The following PTPN14 variants were observed in gnomAD, a reference collection of about 807,000 sequenced individuals.
PTPN14 encodes the protein tyrosine-protein phosphatase non-receptor type 14.
Under a neutral mutation model 126.8 loss-of-function variants are expected in PTPN14, and 53 were observed. The observed-to-expected ratio is 0.42, with a 90% CI of 0.34 to 0.53. PTPN14 has a LOEUF of 0.53. Ranked by LOEUF, PTPN14 falls within the 20% of genes least tolerant of loss-of-function variation. PTPN14 has a pLI of 0.08. For synonymous variants in PTPN14, 630 were observed against 599.3 expected (o/e 1.05, Z -0.75); for missense variants, 1,257 against 1,552.9 (o/e 0.81, Z 3.20).
intron 18 of PTPN14, among the ~76,000 whole-genome samples, chr1:214,363,783 G>A (rs776295798): frequency 1.1e-4 from 16 of 152,280 alleles, no homozygotes; most frequent in African/African-American, 1.7e-4. Flanking sequence ...AATGTCCCAC[G>A]TAGCTAGAAG....
intron 5 of PTPN14, 42 bp from the exon 6 acceptor site, chr1:214,402,995 G>A (rs763549167): frequency 1.9e-6 from 3 of 1,591,156 alleles, no homozygotes; most frequent in Middle Eastern, 1.7e-4. Flanking sequence ...GAGGGTGTGG[G>A]CATTTGCTAT....
chr1:214,402,450 A>G (rs1411913800), intron 6 of PTPN14, among the ~76,000 whole-genome samples: 3 of 149,218 alleles, frequency 2.0e-5, no homozygotes, highest in African/African-American at 7.4e-5. Context: ...AAAAAAAAAA[A>G]AAAAAAAAAG....
At chr1:214,462,148 G>A (rs1291065408) in intron 2 of PTPN14, among the ~76,000 whole-genome samples, 1 of 152,204 alleles carries the variant, frequency 6.6e-6, no homozygotes, top group Middle Eastern at 3.4e-3. Flanking sequence ...GGTCGAATGC[G>A]GATGCACCCA....
intron 1 of PTPN14, among the ~76,000 whole-genome samples, chr1:214,469,731 T>C (rs1660711880): frequency 6.7e-6 from 1 of 150,328 alleles, no homozygotes; most frequent in South Asian, 2.1e-4. Context: ...ACTATGGACT[T>C]TGGGTGCTAG....
rs1033642811 is a variant in PTPN14, at chr1:214,522,059, C to T, written c.-155+29124G>A. On this transcript the variant is annotated intron_variant, in intron 1 of 18. Coordinates refer to ENST00000366956, the MANE Select transcript of PTPN14 (RefSeq NM_005401.5). ...TCAAGCAGTTCTCCTGCCTCAGCCT[C>T]CCTAGTAGCTGGAATTAGAGGTGTG... Among the ~76,000 whole-genome samples the T allele has an allele frequency of 2.0e-5, 3 of 151,536 alleles. 1 individual carries two copies. In the South Asian group the frequency reaches 6.3e-4, roughly 32 times the overall value.
intron 1 of PTPN14, among the ~76,000 whole-genome samples, chr1:214,513,616 C>T (rs985395567): frequency 2.0e-5 from 3 of 152,170 alleles, no homozygotes; most frequent in Non-Finnish European, 4.4e-5. Flanking sequence ...TGCCTAGCCC[C>T]ATAGGCATTT....
chr1:214,502,308 G>A (rs1654726333), intron 1 of PTPN14, among the ~76,000 whole-genome samples: 1 of 152,068 alleles, frequency 6.6e-6, no homozygotes, highest in Non-Finnish European at 1.5e-5. Context: ...TTAAGAGCCT[G>A]AGATTAACAG....
chr1:214,387,041 C>T (rs1658636003), intron 11 of PTPN14, 119 bp from the exon 12 acceptor site: 1 of 830,146 alleles, frequency 1.2e-6, no homozygotes, highest in Non-Finnish European at 1.9e-6. Flanking sequence ...GTGGCAGCTG[C>T]TGTCCCTGCC....
intron 15 of PTPN14, among the ~76,000 whole-genome samples, chr1:214,375,693 T>C (rs1378106009): frequency 6.6e-6 from 1 of 152,222 alleles, no homozygotes; most frequent in Non-Finnish European, 1.5e-5. Flanking sequence ...TCTTTCAAGA[T>C]TCAATATTAA....
At chr1:214,391,362 T>TA (rs1474844815) in intron 10 of PTPN14, among the ~76,000 whole-genome samples, 4 of 152,108 alleles carry the variant, frequency 2.6e-5, no homozygotes, top group African/African-American at 7.2e-5. Context: ...ACATGGATTT[T>TA]AAAAAATTGT....
At chr1:214,396,207 C>T (rs1571972484) in intron 8 of PTPN14, among the ~76,000 whole-genome samples, 1 of 152,154 alleles carries the variant, frequency 6.6e-6, no homozygotes, top group Admixed American at 6.5e-5. Flanking sequence ...GCTATTTTTG[C>T]TCCTACTTTA....
chr1:214,429,270 A>T (rs1648987529), intron 3 of PTPN14, among the ~76,000 whole-genome samples: 1 of 152,222 alleles, frequency 6.6e-6, no homozygotes, highest in African/African-American at 2.4e-5. Flanking sequence ...CCAGAAATAG[A>T]TATGTTCACA....
At chr1:214,533,265 C>T (rs41307662) in intron 1 of PTPN14, 34,849 of 613,482 alleles carry the variant, frequency 0.057, 1,312 homozygotes, top group South Asian at 0.12. Flanking sequence ...CCCAGGAGTG[C>T]GAGGCCCTGC....
chr1:214,513,577 A>T (rs896974651), intron 1 of PTPN14, among the ~76,000 whole-genome samples: 1 of 152,136 alleles, frequency 6.6e-6, no homozygotes, highest in Non-Finnish European at 1.5e-5. Flanking sequence ...TCTGTGTGCT[A>T]CGGGTGTGCT....
intron 7 of PTPN14, among the ~76,000 whole-genome samples, chr1:214,399,050 AG>A (rs1161079321): frequency 6.6e-6 from 1 of 152,224 alleles, no homozygotes; most frequent in Non-Finnish European, 1.5e-5. Flanking sequence ...TACAGGCGTG[AG>A]CCACCGTGCC....
chr1:214,510,727 A>C (rs1052228002), intron 1 of PTPN14, among the ~76,000 whole-genome samples: 1 of 152,212 alleles, frequency 6.6e-6, no homozygotes, highest in African/African-American at 2.4e-5. Flanking sequence ...ACATAGCTAG[A>C]GACCATCTCC....
intron 1 of PTPN14, among the ~76,000 whole-genome samples, chr1:214,468,989 C>T (rs1398964069): frequency 6.6e-6 from 1 of 152,188 alleles, no homozygotes; most frequent in Non-Finnish European, 1.5e-5. Context: ...ACCTCTAACA[C>T]ACACATCATT....
intron 1 of PTPN14, among the ~76,000 whole-genome samples, chr1:214,520,191 C>T (rs1221978645): frequency 1.3e-5 from 2 of 151,512 alleles, no homozygotes; most frequent in African/African-American, 4.9e-5. Flanking sequence ...GACTTACTGA[C>T]CCCAGAGCTT....
At chr1:214,363,628 C>T (rs1300508343) in intron 18 of PTPN14, among the ~76,000 whole-genome samples, 1 of 152,170 alleles carries the variant, frequency 6.6e-6, no homozygotes, top group Non-Finnish European at 1.5e-5. Flanking sequence ...GGCTTCAGTA[C>T]CACTGCGTAA....
Sources: gnomAD v4.1 joint callset for allele counts (sites outside exome capture counted in the v4.1 genomes callset) on GRCh38, gnomAD v4.1.1 for gene constraint, MANE v1.5 for transcripts, NCBI Gene and HGNC (gene_info 2026-07-23, HGNC 2026-07-21) for gene names.